Variants in CCSER1 observed in about 807,000 individuals in gnomAD.
CCSER1 encodes the protein coiled-coil serine rich protein 1.
CCSER1 carries 41 observed loss-of-function variants against 82.0 expected under a neutral mutation model. That is an observed-to-expected ratio of 0.50 (90% CI 0.39 to 0.65). The LOEUF (loss-of-function observed/expected upper bound fraction) is 0.65, where lower values mean the gene tolerates loss of function less well. Among genes scored for constraint, CCSER1 ranks in the 30% least tolerant of loss-of-function variants. The probability of loss-of-function intolerance (pLI) is 0.00; values close to 1 mark genes in which losing one functional copy is unlikely to be tolerated. For missense variants in CCSER1, 1,119 were observed against 1,064.2 expected (o/e 1.05, Z -0.72); for synonymous variants, 414 against 383.9 (o/e 1.08, Z -0.92).
chr4:90,698,737 A>G (rs1737457954), intron 6 of CCSER1, among the ~76,000 whole-genome samples: 1 of 152,182 alleles, frequency 6.6e-6, no homozygotes, highest in Admixed American at 6.5e-5. Flanking sequence ...AGACAGGTTA[A>G]TAGGAGGAAA....
intron 9 of CCSER1, among the ~76,000 whole-genome samples, chr4:91,059,901 G>A (rs1419400266): frequency 2.0e-5 from 3 of 152,018 alleles, no homozygotes; most frequent in African/African-American, 4.8e-5. Flanking sequence ...ATTAGTCTGA[G>A]TAGTGACAGG....
At chr4:90,148,912 C>T (rs75680087) in intron 1 of CCSER1, among the ~76,000 whole-genome samples, 3,574 of 152,194 alleles carry the variant, frequency 0.023, 134 homozygotes, top group African/African-American at 0.08. Context: ...TTGAGTCAAT[C>T]TTATGCTTAT....
At chr4:90,605,177 T>A (rs1422403564) in intron 5 of CCSER1, among the ~76,000 whole-genome samples, 1 of 152,054 alleles carries the variant, frequency 6.6e-6, no homozygotes, top group East Asian at 1.9e-4. Context: ...TCCCGATACG[T>A]TGGAACATTA....
At chr4:91,174,483 T>C (rs76930196) in intron 10 of CCSER1, among the ~76,000 whole-genome samples, 7,188 of 152,236 alleles carry the variant, frequency 0.047, 256 homozygotes, top group Non-Finnish European at 0.073. Flanking sequence ...CTGGGAAGCA[T>C]GTGCAGGACA....
chr4:90,815,027 G>T (rs1758815834), intron 7 of CCSER1, among the ~76,000 whole-genome samples: 1 of 152,110 alleles, frequency 6.6e-6, no homozygotes, highest in African/African-American at 2.4e-5. Context: ...TTGCAATAAA[G>T]AATGATCTAA....
chr4:91,161,407 A>T (rs540898285), intron 10 of CCSER1, among the ~76,000 whole-genome samples: 12 of 152,228 alleles, frequency 7.9e-5, no homozygotes. Flanking sequence ...GTTCCATATG[A>T]ACTTTAAAGT....
chr4:90,548,935 C>G (rs1777123659), intron 5 of CCSER1, among the ~76,000 whole-genome samples: 1 of 151,994 alleles, frequency 6.6e-6, no homozygotes, highest in African/African-American at 2.4e-5. Context: ...GACTCTGAAT[C>G]AAGATTGAGT....
chr4:91,435,509 T>G (rs1274000500), intron 10 of CCSER1, among the ~76,000 whole-genome samples: 3 of 152,028 alleles, frequency 2.0e-5, no homozygotes, highest in African/African-American at 7.2e-5. Context: ...TACTCAAAAA[T>G]AAATTGCTTT....
intron 6 of CCSER1, among the ~76,000 whole-genome samples, chr4:90,635,380 A>G (rs1725239454): frequency 6.6e-6 from 1 of 151,740 alleles, no homozygotes. Flanking sequence ...AGAAAAATGG[A>G]ATGAAACTAG....
chr4:91,102,458 G>T (rs1346579321), intron 10 of CCSER1, among the ~76,000 whole-genome samples: 1 of 152,052 alleles, frequency 6.6e-6, no homozygotes, highest in African/African-American at 2.4e-5. Context: ...TTTTAATCTG[G>T]ATATAAGTAA....
At chr4:90,756,166 T>C (rs1032620050) in intron 7 of CCSER1, among the ~76,000 whole-genome samples, 1 of 152,138 alleles carries the variant, frequency 6.6e-6, no homozygotes, top group African/African-American at 2.4e-5. Context: ...AGACAGAGAT[T>C]GCAGTGAGCT....
intron 5 of CCSER1, among the ~76,000 whole-genome samples, chr4:90,483,861 T>C (rs1387080692): frequency 6.6e-6 from 1 of 152,184 alleles, no homozygotes; most frequent in Non-Finnish European, 1.5e-5. Context: ...TTGGAGTTGC[T>C]CTTCTTGTGG....
chr4:90,703,915 T>G (rs201452210), intron 6 of CCSER1, among the ~76,000 whole-genome samples: 5 of 152,140 alleles, frequency 3.3e-5, no homozygotes, highest in African/African-American at 9.7e-5. Context: ...GATGGGTCTT[T>G]ACTCTTTATC....
chr4:91,288,380 A>G (rs1743483625), intron 10 of CCSER1, among the ~76,000 whole-genome samples: 1 of 151,954 alleles, frequency 6.6e-6, no homozygotes, highest in Non-Finnish European at 1.5e-5. Context: ...ATAGATACTG[A>G]CAAGGTGAGA....
rs551211582 is a variant in CCSER1, at chr4:91,429,467, C to G, written c.2218-169105C>G. On this transcript the variant is annotated intron_variant, in intron 10 of 10. Coordinates refer to ENST00000509176, the MANE Select transcript of CCSER1 (RefSeq NM_001145065.2). ...ATAAACATTTGTTAAGAACCCATTA[C>G]GTGCCCAATTCTGTTACCATTTTAT... is the stretch of plus-strand genomic sequence containing the variant. Among the ~76,000 whole-genome samples the G allele has an allele frequency of 2.9e-4, 44 of 152,024 alleles. 2 individuals are homozygous for G. In the South Asian group the frequency reaches 8.5e-3, roughly 29 times the overall value.
intron 3 of CCSER1, among the ~76,000 whole-genome samples, chr4:90,373,321 T>G (rs1406670421): frequency 6.6e-6 from 1 of 152,264 alleles, no homozygotes; most frequent in Non-Finnish European, 1.5e-5. Flanking sequence ...TTTCTAGAAA[T>G]AATGCTTTAT....
At chr4:90,642,987 C>T (rs1235802847) in intron 6 of CCSER1, among the ~76,000 whole-genome samples, 3 of 150,982 alleles carry the variant, frequency 2.0e-5, no homozygotes, top group Admixed American at 6.6e-5. Flanking sequence ...AAGATAAATA[C>T]GTGTGAACAT....
chr4:90,591,948 A>G (rs1782754902), intron 5 of CCSER1, among the ~76,000 whole-genome samples: 2 of 152,080 alleles, frequency 1.3e-5, no homozygotes, highest in Admixed American at 6.6e-5. Context: ...GAAACCAAAC[A>G]CCACATGTTC....
rs1196619900 is a variant in CCSER1 at position 90,617,027 on chromosome 4, A to G, written c.1725-10998A>G. On this transcript the variant is annotated intron_variant, in intron 5 of 10. Coordinates refer to ENST00000509176, the MANE Select transcript of CCSER1 (RefSeq NM_001145065.2). ...TCTCTACACCTAGGAAAATGTTAATATAAGAATTGATTATTAAAATATCTC... is the reference window on the plus strand; with the variant it reads ...TCTCTACACCTAGGAAAATGTTAATGTAAGAATTGATTATTAAAATATCTC... 3.9e-5 allele frequency among the ~76,000 whole-genome samples: 6 copies of G among 152,314 alleles called. No homozygotes were observed. In the East Asian group the frequency reaches 9.7e-4, roughly 25 times the overall value.
Sources: allele counts gnomAD v4.1 joint callset (sites outside exome capture counted in the v4.1 genomes callset), GRCh38; gene constraint gnomAD v4.1.1; transcripts MANE v1.5; gene names NCBI Gene and HGNC (gene_info 2026-07-23, HGNC 2026-07-21).